The following MAGI2 variants were observed in gnomAD, a reference collection of about 807,000 sequenced individuals.
MAGI2 encodes the protein membrane-associated guanylate kinase, WW and PDZ domain-containing protein 2.
Under a neutral mutation model 133.3 loss-of-function variants are expected in MAGI2, and 35 were observed. The observed-to-expected ratio is 0.26, with a 90% CI of 0.20 to 0.35. The LOEUF (loss-of-function observed/expected upper bound fraction) is 0.35, where lower values mean the gene tolerates loss of function less well. MAGI2 is among the 10% of genes least tolerant of loss of function. The pLI is 1.00. For missense variants in MAGI2, 1,636 were observed against 1,863.4 expected (o/e 0.88, Z 2.25); for synonymous variants, 729 against 710.6 (o/e 1.03, Z -0.41).
chr7:78,402,626 T>C (rs1409426929), intron 6 of MAGI2, among the ~76,000 whole-genome samples: 4 of 152,204 alleles, frequency 2.6e-5, no homozygotes, highest in Admixed American at 2.0e-4. Flanking sequence ...GTTGGTTTCT[T>C]CCTAGGCTTT....
chr7:78,780,732 G>A (rs537514296), intron 2 of MAGI2, among the ~76,000 whole-genome samples: 1 of 152,286 alleles, frequency 6.6e-6, no homozygotes, highest in South Asian at 2.1e-4. Context: ...ACCAACAGGT[G>A]TTAATTGTAG....
intron 21 of MAGI2, among the ~76,000 whole-genome samples, chr7:78,053,426 C>T (rs1269145435): frequency 2.6e-5 from 4 of 152,194 alleles, no homozygotes; most frequent in Non-Finnish European, 5.9e-5. Context: ...GTCCCTCCTT[C>T]CCCTCTCCTT....
rs150780183 is a variant in MAGI2 at position 78,314,731 on chromosome 7, C to T, written c.1408+29047G>A. ...ATAATTGTGGAGTATACTCAAATCA[C>T]GCTCCAGGATAATTAAACATTATAT... On this transcript the variant is annotated intron_variant, in intron 9 of 21. Transcript: ENST00000354212. Among the ~76,000 whole-genome samples the T allele has an allele frequency of 3.3e-3, 500 of 152,264 alleles. 10 individuals carry two copies. The highest frequency in any genetic ancestry group is 0.028 in the Admixed American group (424 of 15,286).
intron 20 of MAGI2, among the ~76,000 whole-genome samples, chr7:78,089,064 T>A (rs1816925420): frequency 6.6e-6 from 1 of 152,156 alleles, no homozygotes; most frequent in South Asian, 2.1e-4. Context: ...CGAAATGGGT[T>A]CCTACCCCAG....
intron 2 of MAGI2, among the ~76,000 whole-genome samples, chr7:78,991,907 C>T (rs1398396378): frequency 6.6e-6 from 1 of 152,014 alleles, no homozygotes; most frequent in Non-Finnish European, 1.5e-5. Flanking sequence ...TCAGGGATTG[C>T]CACAATATTT....
chr7:78,730,354 G>A (rs557848162), intron 2 of MAGI2, among the ~76,000 whole-genome samples: 11 of 146,300 alleles, frequency 7.5e-5, no homozygotes, highest in South Asian at 4.3e-4. Context: ...TGAATTCCAC[G>A]AATATAAAAT....
intron 21 of MAGI2, among the ~76,000 whole-genome samples, chr7:78,048,837 G>A (rs533260407): frequency 2.6e-5 from 4 of 152,196 alleles, no homozygotes; most frequent in East Asian, 1.9e-4. Flanking sequence ...GGCTGTGTGC[G>A]GCGGCTCATG....
intron 1 of MAGI2, chr7:79,124,601 A>C (rs1820228137): frequency 6.6e-6 from 1 of 152,366 alleles, no homozygotes; most frequent in South Asian, 2.1e-4. Flanking sequence ...ACACTGACTG[A>C]GTGGCTACTG....
chr7:78,347,091 A>G (rs2151194373), intron 7 of MAGI2: 1 of 152,386 alleles, frequency 6.6e-6, no homozygotes, highest in South Asian at 2.1e-4. Flanking sequence ...GTAAGTGGAA[A>G]GGCTGGACTT....
intron 21 of MAGI2, among the ~76,000 whole-genome samples, chr7:78,058,968 C>T (rs1291859660): frequency 2.0e-5 from 3 of 152,198 alleles, no homozygotes; most frequent in Non-Finnish European, 4.4e-5. Context: ...TTCTTAGTCC[C>T]TTTATACCAT....
chr7:78,127,117 C>G, intron 19 of MAGI2, 80 bp downstream of exon 19: 2 of 1,156,942 alleles, frequency 1.7e-6, no homozygotes, highest in Non-Finnish European at 1.2e-6. Flanking sequence ...GGTACTCTTT[C>G]CTCTGCCTCT....
intron 9 of MAGI2, among the ~76,000 whole-genome samples, chr7:78,336,050 A>C (rs1350456183): frequency 6.6e-6 from 1 of 152,220 alleles, no homozygotes. Flanking sequence ...GGTAGCTACC[A>C]AAAGAATTGT....
intron 2 of MAGI2, among the ~76,000 whole-genome samples, chr7:78,894,022 A>G (rs1186272978): frequency 6.6e-6 from 1 of 152,248 alleles, no homozygotes; most frequent in African/African-American, 2.4e-5. Context: ...GGGACATGAA[A>G]TTATCACCGA....
At chr7:79,113,693 A>G (rs143264373) in intron 1 of MAGI2, among the ~76,000 whole-genome samples, 104 of 152,272 alleles carry the variant, frequency 6.8e-4, no homozygotes, top group African/African-American at 2.4e-3. Context: ...TTGAGCAACT[A>G]GTTCTATTTA....
At chr7:78,349,357 AC>A (rs1239986031) in intron 7 of MAGI2, among the ~76,000 whole-genome samples, 2 of 152,206 alleles carry the variant, frequency 1.3e-5, no homozygotes, top group Non-Finnish European at 2.9e-5. Flanking sequence ...TAGGATATCA[AC>A]TTTTCTTGTT....
chr7:78,157,755 T>C (rs1824541103), intron 16 of MAGI2, among the ~76,000 whole-genome samples: 1 of 152,370 alleles, frequency 6.6e-6, no homozygotes, highest in South Asian at 2.1e-4. Context: ...AGGCTGTTTA[T>C]ATAATTCATG....
chr7:79,026,514 T>C (rs1809899224), intron 1 of MAGI2, among the ~76,000 whole-genome samples: 1 of 152,136 alleles, frequency 6.6e-6, no homozygotes, highest in South Asian at 2.1e-4. Context: ...GATAAGGGGT[T>C]AATACACAAA....
At chr7:78,903,768 A>G (rs951192398) in intron 2 of MAGI2, among the ~76,000 whole-genome samples, 3 of 152,154 alleles carry the variant, frequency 2.0e-5, no homozygotes, top group African/African-American at 7.2e-5. Flanking sequence ...ATAGAAAAAT[A>G]CGCAGTTATT....
intron 3 of MAGI2, among the ~76,000 whole-genome samples, chr7:78,595,941 C>G (rs182347657): frequency 6.6e-6 from 1 of 152,062 alleles, no homozygotes; most frequent in Non-Finnish European, 1.5e-5. Context: ...TAATTCAGCT[C>G]TCTTTTGGTA....
Sources: gnomAD v4.1 joint callset for allele counts (sites outside exome capture counted in the v4.1 genomes callset) on GRCh38, gnomAD v4.1.1 for gene constraint, MANE v1.5 for transcripts, NCBI Gene and HGNC (gene_info 2026-07-23, HGNC 2026-07-21) for gene names.